The following HEMK2 variants were observed in gnomAD, a reference collection of about 807,000 sequenced individuals.
HEMK2 encodes the protein HemK methyltransferase 2, ETF1 glutamine and histone H4 lysine.
chr21:28,870,833 C>T, the HEMK2 span, among the ~76,000 whole-genome samples: 1 of 152,140 alleles, frequency 6.6e-6, no homozygotes, highest in Non-Finnish European at 1.5e-5. Flanking sequence ...TTAGCTATAT[C>T]ATATTGATTC....
At chr21:28,877,722 T>C in the HEMK2 span, among the ~76,000 whole-genome samples, 4 of 152,094 alleles carry the variant, frequency 2.6e-5, no homozygotes, top group Non-Finnish European at 4.4e-5. Flanking sequence ...AAAATCAAAC[T>C]TGAAGTGTAC....
chr21:28,683,818 G>A, the HEMK2 span, among the ~76,000 whole-genome samples: 1 of 152,138 alleles, frequency 6.6e-6, no homozygotes, highest in African/African-American at 2.4e-5. Context: ...AAAACACATT[G>A]CAAAGAAAGA....
the HEMK2 span, among the ~76,000 whole-genome samples, chr21:28,700,520 T>C: frequency 1.3e-5 from 2 of 152,148 alleles, no homozygotes; most frequent in African/African-American, 4.8e-5. Context: ...CTATGAACAC[T>C]GCTATGCACG....
chr21:28,782,385 G>A, the HEMK2 span, among the ~76,000 whole-genome samples: 1 of 152,128 alleles, frequency 6.6e-6, no homozygotes, highest in Non-Finnish European at 1.5e-5. Context: ...TATCTTCAGG[G>A]AACAATCAAG....
chr21:28,861,140 CTT>C, the HEMK2 span, among the ~76,000 whole-genome samples: 6 of 152,288 alleles, frequency 3.9e-5, no homozygotes, highest in East Asian at 1.9e-4. Context: ...TGTAATTGCT[CTT>C]GTCTGCATGT....
the HEMK2 span, among the ~76,000 whole-genome samples, chr21:28,628,329 T>G: frequency 6.6e-6 from 1 of 152,216 alleles, no homozygotes; most frequent in Non-Finnish European, 1.5e-5. Context: ...GGATATGGTT[T>G]TAATTGATCT....
the HEMK2 span, among the ~76,000 whole-genome samples, chr21:28,838,640 T>C: frequency 4.7e-3 from 696 of 147,304 alleles, 6 homozygotes; most frequent in African/African-American, 0.017. Flanking sequence ...AATCCAACAA[T>C]ATATAAAAAA....
the HEMK2 span, among the ~76,000 whole-genome samples, chr21:28,864,913 T>TATAGATAAGATAGATAG: frequency 3.9e-4 from 56 of 144,058 alleles, no homozygotes; most frequent in South Asian, 6.7e-4. Context: ...AGATAGATGA[T>TATAGATAAGATAGATAG]ATAGATAGAT....
the HEMK2 span, among the ~76,000 whole-genome samples, chr21:28,868,238 G>A: frequency 4.6e-5 from 7 of 152,094 alleles, no homozygotes; most frequent in Non-Finnish European, 7.4e-5. Flanking sequence ...TGTCTAGGCT[G>A]TTCTTGGTCA....
the HEMK2 span, among the ~76,000 whole-genome samples, chr21:28,598,968 G>C: frequency 3.3e-5 from 5 of 152,210 alleles, no homozygotes; most frequent in Non-Finnish European, 5.9e-5. Flanking sequence ...TGGCAGTAAA[G>C]GATTGAAGGT....
chr21:28,671,734 C>T, the HEMK2 span, among the ~76,000 whole-genome samples: 2 of 152,174 alleles, frequency 1.3e-5, no homozygotes, highest in Admixed American at 6.5e-5. Flanking sequence ...ATCTCGTTTA[C>T]ACCCTTAGTC....
the HEMK2 span, among the ~76,000 whole-genome samples, chr21:28,609,485 C>G: frequency 6.7e-6 from 1 of 148,660 alleles, no homozygotes; most frequent in African/African-American, 2.5e-5. Flanking sequence ...CACAACAAAA[C>G]AAGGTTATTT....
the HEMK2 span, among the ~76,000 whole-genome samples, chr21:28,771,074 A>C: frequency 6.6e-6 from 1 of 152,166 alleles, no homozygotes; most frequent in South Asian, 2.1e-4. Flanking sequence ...CACTGTGATA[A>C]GTACTTCAGA....
At chr21:28,713,750 T>C in the HEMK2 span, among the ~76,000 whole-genome samples, 1 of 152,202 alleles carries the variant, frequency 6.6e-6, no homozygotes, top group Non-Finnish European at 1.5e-5. Flanking sequence ...TGTGACTGTC[T>C]ACCTCCGTCT....
the HEMK2 span, among the ~76,000 whole-genome samples, chr21:28,806,081 A>G: frequency 1.3e-5 from 2 of 152,166 alleles, no homozygotes; most frequent in Non-Finnish European, 2.9e-5. Context: ...CAGCTGTTCA[A>G]CTATTATATA....
the HEMK2 span, among the ~76,000 whole-genome samples, chr21:28,683,575 C>T: frequency 2.6e-5 from 4 of 152,126 alleles, no homozygotes; most frequent in African/African-American, 7.2e-5. Flanking sequence ...TTTACATACA[C>T]GCACAATGTT....
the HEMK2 span, among the ~76,000 whole-genome samples, chr21:28,654,096 T>A: frequency 6.6e-6 from 1 of 152,110 alleles, no homozygotes; most frequent in Non-Finnish European, 1.5e-5. Flanking sequence ...ACAGCAACCA[T>A]GAAGAGGAAG....
At chr21:28,592,718 T>G in the HEMK2 span, among the ~76,000 whole-genome samples, 154 of 152,340 alleles carry the variant, frequency 1.0e-3, no homozygotes, top group Non-Finnish European at 1.7e-3. Flanking sequence ...CAATAAGCTT[T>G]TAATCAAAAC....
the HEMK2 span, among the ~76,000 whole-genome samples, chr21:28,791,485 G>C: frequency 6.6e-6 from 1 of 152,206 alleles, no homozygotes; most frequent in Non-Finnish European, 1.5e-5. Context: ...AAGGGTGAGA[G>C]AGTGGGGCTA....
Sources: gnomAD v4.1 joint callset for allele counts (sites outside exome capture counted in the v4.1 genomes callset) on GRCh38, gnomAD v4.1.1 for gene constraint, MANE v1.5 for transcripts, NCBI Gene and HGNC (gene_info 2026-07-23, HGNC 2026-07-21) for gene names.